Variants in CSMD1 observed in about 807,000 individuals in gnomAD.
The protein encoded by CSMD1 is CUB and Sushi multiple domains 1, also known as CUB and sushi domain-containing protein 1.
Under a neutral mutation model 417.5 loss-of-function variants are expected in CSMD1, and 213 were observed. The ratio of observed to expected loss-of-function variants is 0.51; its 90% confidence interval spans 0.46 to 0.57. The LOEUF (loss-of-function observed/expected upper bound fraction) is 0.57, where lower values mean the gene tolerates loss of function less well. Ranked by LOEUF, CSMD1 falls within the 20% of genes least tolerant of loss-of-function variation. CSMD1 has a pLI of 0.00. For missense variants in CSMD1, 6,923 were observed against 4,529.7 expected, an observed-to-expected ratio of 1.53 and a Z score of -15.17; for synonymous variants, 2,862 against 1,736.8, an observed-to-expected ratio of 1.65 and a Z score of -16.11.
chr8:4,526,314 A>G (rs1234737331), intron 2 of CSMD1, among the ~76,000 whole-genome samples: 1 of 152,250 alleles, frequency 6.6e-6, no homozygotes, highest in Non-Finnish European at 1.5e-5. Flanking sequence ...TATTAATGTC[A>G]GAAATACTTT....
At chr8:4,156,711 T>C (rs926115265) in intron 3 of CSMD1, among the ~76,000 whole-genome samples, 4 of 152,160 alleles carry the variant, frequency 2.6e-5, no homozygotes, top group South Asian at 2.1e-4. Flanking sequence ...GAAGAGACTA[T>C]GTGCAGTTTG....
intron 69 of CSMD1, 129 bp downstream of exon 69, chr8:2,942,342 TA>T (rs879881569): frequency 0.2 from 128,262 of 652,508 alleles, 1 homozygote; most frequent in East Asian, 0.26. Context: ...AAAGTTGATT[TA>T]AAAAAAAAAA....
At chr8:4,564,514 T>A (rs1458136672) in intron 2 of CSMD1, among the ~76,000 whole-genome samples, 1 of 152,208 alleles carries the variant, frequency 6.6e-6, no homozygotes, top group African/African-American at 2.4e-5. Flanking sequence ...TTATCTATTA[T>A]AATTGTGACT....
chr8:3,805,873 T>G (rs1422968263), intron 5 of CSMD1, among the ~76,000 whole-genome samples: 1 of 152,096 alleles, frequency 6.6e-6, no homozygotes, highest in African/African-American at 2.4e-5. Context: ...TTCCCAGATT[T>G]CTATTCTGGG....
intron 5 of CSMD1, among the ~76,000 whole-genome samples, chr8:3,758,791 T>C (rs1222370690): frequency 6.6e-6 from 1 of 152,160 alleles, no homozygotes; most frequent in Admixed American, 6.5e-5. Flanking sequence ...ACATGGCTCA[T>C]GAGGACTTTG....
intron 2 of CSMD1, among the ~76,000 whole-genome samples, chr8:4,428,175 A>C (rs1323655691): frequency 6.6e-6 from 1 of 152,194 alleles, no homozygotes; most frequent in Admixed American, 6.6e-5. Context: ...GCTTCACTTA[A>C]AAGGAAAACA....
intron 1 of CSMD1, among the ~76,000 whole-genome samples, chr8:4,990,702 G>C (rs1019549975): frequency 1.3e-5 from 2 of 152,252 alleles, no homozygotes; most frequent in East Asian, 3.9e-4. Context: ...TCCTGCGAAA[G>C]TATCTTCTTC....
intron 10 of CSMD1, among the ~76,000 whole-genome samples, chr8:3,496,761 G>C (rs1040613784): frequency 1.1e-4 from 16 of 152,036 alleles, no homozygotes; most frequent in African/African-American, 3.4e-4. Context: ...GGGAGGTGGA[G>C]GTTGCAGTGA....
rs144979345 is a variant in CSMD1, at chr8:4,885,711, T to C, written c.85+108621A>G. The stretch of plus-strand genomic sequence containing the variant: ...TTTAATATTAGAGATATAATAAAGA[T>C]ATACTTATGTATTATAATATATAGT... On this transcript the variant is annotated intron_variant, in intron 1 of 69. Coordinates refer to ENST00000635120, the MANE Select transcript of CSMD1 (RefSeq NM_033225.6). Among the ~76,000 whole-genome samples, 5 of 151,542 alleles carry C rather than the reference T, an allele frequency of 3.3e-5. No individual in the cohort carries two copies. In the South Asian group the frequency reaches 6.2e-4, roughly 19 times the overall value.
chr8:4,574,690 T>C (rs1259715668), intron 2 of CSMD1, among the ~76,000 whole-genome samples: 2 of 152,190 alleles, frequency 1.3e-5, no homozygotes, highest in Non-Finnish European at 2.9e-5. Context: ...CTTCCAGATA[T>C]GTGGGGAAAA....
At chr8:4,475,775 G>C (rs1458865667) in intron 2 of CSMD1, among the ~76,000 whole-genome samples, 1 of 151,874 alleles carries the variant, frequency 6.6e-6, no homozygotes, top group Non-Finnish European at 1.5e-5. Flanking sequence ...ACCACACACA[G>C]CTAATTTTTG....
intron 2 of CSMD1, among the ~76,000 whole-genome samples, chr8:4,471,661 C>T (rs978529097): frequency 6.6e-6 from 1 of 152,076 alleles, no homozygotes; most frequent in African/African-American, 2.4e-5. Flanking sequence ...GGAATGCTCA[C>T]CCTGGTTGAG....
chr8:3,821,814 A>T (rs1801753069), intron 5 of CSMD1, among the ~76,000 whole-genome samples: 1 of 152,138 alleles, frequency 6.6e-6, no homozygotes, highest in Admixed American at 6.6e-5. Flanking sequence ...ACAAACAAAC[A>T]AAAAGTTTAA....
rs1348837850 is a variant in CSMD1 at position 2,957,840 on chromosome 8, C to G, written c.9703-33G>C. On this transcript the variant is annotated intron_variant, in intron 62 of 69. Transcript: ENST00000635120. ...GGAAATCCAATACTAGCTTCAGAGG[C>G]CAAGGGAATATACGAAGTGTCAACT... The G allele has an allele frequency of 5.6e-6, 8 of 1,416,056 alleles. No individual in the cohort carries two copies. In the East Asian group the frequency reaches 2.0e-4, roughly 35 times the overall value. 87.7% of individuals were successfully genotyped at this position (1,416,056 alleles called of 1,614,324 possible).
intron 5 of CSMD1, among the ~76,000 whole-genome samples, chr8:3,925,676 AT>A (rs555547822): frequency 4.4e-4 from 66 of 151,256 alleles, no homozygotes; most frequent in Non-Finnish European, 9.0e-4. Flanking sequence ...CCTCCTCCTC[AT>A]TTTTCTCTTG....
chr8:3,269,504 C>T (rs1006725182), intron 26 of CSMD1, among the ~76,000 whole-genome samples: 2 of 152,190 alleles, frequency 1.3e-5, no homozygotes, highest in East Asian at 1.9e-4. Flanking sequence ...TGAAAATGCA[C>T]CTATTAAGTT....
chr8:3,623,300 T>C (rs541907696), intron 7 of CSMD1, among the ~76,000 whole-genome samples: 1 of 152,354 alleles, frequency 6.6e-6, no homozygotes, highest in South Asian at 2.1e-4. Context: ...TTCATCAAAT[T>C]ACCCTGCTGT....
chr8:3,297,787 C>G (rs1295722120), intron 25 of CSMD1, among the ~76,000 whole-genome samples: 1 of 151,944 alleles, frequency 6.6e-6, no homozygotes, highest in South Asian at 2.1e-4. Flanking sequence ...CCAACCTTAA[C>G]AAAGTTTGTG....
chr8:3,522,202 T>G, intron 10 of CSMD1, among the ~76,000 whole-genome samples: 1 of 152,206 alleles, frequency 6.6e-6, no homozygotes, highest in Non-Finnish European at 1.5e-5. Flanking sequence ...TATGATTAAA[T>G]TTTTTATTAT....
Sources: allele counts gnomAD v4.1 joint callset (sites outside exome capture counted in the v4.1 genomes callset), GRCh38; gene constraint gnomAD v4.1.1; transcripts MANE v1.5; gene names NCBI Gene and HGNC (gene_info 2026-07-23, HGNC 2026-07-21).